Variants in C2orf92 observed in about 807,000 individuals in gnomAD.
C2orf92 encodes the protein chromosome 2 open reading frame 92.
intron 2 of C2orf92, among the ~76,000 whole-genome samples, chr2:97,675,254 T>C (rs989454426): frequency 6.6e-6 from 1 of 152,252 alleles, no homozygotes; most frequent in Non-Finnish European, 1.5e-5. Flanking sequence ...CCAGGAATTA[T>C]AAGACTCTCA....
chr2:97,683,338 G>A (rs1223929533), intron 3 of C2orf92, among the ~76,000 whole-genome samples: 1 of 151,908 alleles, frequency 6.6e-6, no homozygotes, highest in African/African-American at 2.4e-5. Flanking sequence ...AAACTACAAA[G>A]CACTGATAAA....
chr2:97,700,977 C>T (rs796181488), intron 6 of C2orf92, among the ~76,000 whole-genome samples, 177 bp from the exon 7 acceptor site: 48 of 152,094 alleles, frequency 3.2e-4, no homozygotes, highest in African/African-American at 8.0e-4. Context: ...GTGATCCGCC[C>T]GCCTCAGCCT....
chr2:97,669,545 A>T (rs542054942), upstream of C2orf92: 7 of 366,254 alleles, frequency 1.9e-5, no homozygotes, highest in South Asian at 1.0e-3. Context: ...GGATGGAGGA[A>T]GGCACCAGGG....
chr2:97,690,177 A>G, intron 4 of C2orf92, 79 bp from the exon 5 acceptor site: 1 of 387,506 alleles, frequency 2.6e-6, no homozygotes, highest in Non-Finnish European at 4.6e-6. Context: ...AATACAAAAT[A>G]TGGGCCCAAG....
chr2:97,700,896 A>T (rs1676472647), intron 6 of C2orf92, among the ~76,000 whole-genome samples: 1 of 151,506 alleles, frequency 6.6e-6, no homozygotes, highest in Admixed American at 6.6e-5. Flanking sequence ...CGCCCGGCTA[A>T]TTTTTTTTGT....
chr2:97,693,583 A>G (rs950171249), intron 5 of C2orf92, among the ~76,000 whole-genome samples: 38 of 152,262 alleles, frequency 2.5e-4, no homozygotes, highest in Non-Finnish European at 2.6e-4. Flanking sequence ...TATATATGAT[A>G]ATAATGAATT....
chr2:97,700,512 G>A (rs1385850090), intron 6 of C2orf92, among the ~76,000 whole-genome samples: 1 of 152,104 alleles, frequency 6.6e-6, no homozygotes, highest in African/African-American at 2.4e-5. Flanking sequence ...GCTCTCCTCT[G>A]TTCTTCTCTT....
At chr2:97,678,981 A>G (rs1037369977) in intron 3 of C2orf92, among the ~76,000 whole-genome samples, 15 of 140,068 alleles carry the variant, frequency 1.1e-4, no homozygotes, top group South Asian at 4.6e-4. Flanking sequence ...CCTTTCTTGG[A>G]AAAAAAAAAA....
At chr2:97,693,975 C>G (rs1676222148) in intron 5 of C2orf92, among the ~76,000 whole-genome samples, 1 of 152,142 alleles carries the variant, frequency 6.6e-6, no homozygotes, top group African/African-American at 2.4e-5. Flanking sequence ...TAAATACATT[C>G]ATAATGTTGT....
At chr2:97,675,609 T>TA (rs1197218791) in intron 2 of C2orf92, 4 of 379,150 alleles carry the variant, frequency 1.1e-5, no homozygotes, top group African/African-American at 8.3e-5. Flanking sequence ...TCTCAATGCT[T>TA]ATGCATATTG....
Position 97,699,154 on chromosome 2 carries a change from C to T in C2orf92, c.514+18C>T, listed in dbSNP as rs1163397735. 7.5e-6 allele frequency: 3 copies of T among 398,386 alleles called. No individual in the cohort carries two copies. Among genetic ancestry groups the T allele is most frequent in the Non-Finnish European group, 1.3e-5 (3 of 226,034 alleles). The allele number at this position is 398,386 out of a possible 1,614,324, so 24.7% of individuals were successfully genotyped here. ...TAAACCAGGTGGGAATCTATATGGC[C>T]TATAAACTAAGTATGATGCTTAAAT... is the stretch of plus-strand genomic sequence containing the variant. On this transcript the variant is annotated intron_variant, in intron 6 of 7. Coordinates refer to ENST00000627399, the MANE Select transcript of C2orf92 (RefSeq NM_001351368.2).
chr2:97,691,302 C>G (rs560836993), intron 5 of C2orf92, among the ~76,000 whole-genome samples: 1 of 152,210 alleles, frequency 6.6e-6, no homozygotes, highest in Non-Finnish European at 1.5e-5. Flanking sequence ...GCCGCAGACA[C>G]CTGGTGCCTC....
intron 3 of C2orf92, 45 bp from the exon 4 acceptor site, chr2:97,688,850 A>G: frequency 2.5e-6 from 1 of 398,560 alleles, no homozygotes; most frequent in Admixed American, 4.4e-5. Context: ...AAATATATCA[A>G]TCCTGCGTTG....
At chr2:97,665,438 AAGGCAAGTTGC>A (rs1675173587), upstream of C2orf92, among the ~76,000 whole-genome samples, 2 of 152,162 alleles carry the variant, frequency 1.3e-5, no homozygotes, top group African/African-American at 4.8e-5. Flanking sequence ...GAAGAAATTC[AAGGCAAGTTGC>A]AGAGTGCAGT....
rs764670580 is a variant in C2orf92 at position 97,689,348 on chromosome 2, A to G, written c.331+355A>G. 4.2e-4 allele frequency among the ~76,000 whole-genome samples: 64 copies of G among 152,170 alleles called. 3 individuals are homozygous for G. The highest frequency in any genetic ancestry group is 1.8e-4 in the Non-Finnish European group (12 of 68,034). ...GCAGCATCCTAACTTTCAACCCAACACACGAATCCTTCTAAGTGCACAACG... is the reference window on the plus strand; with the variant it reads ...GCAGCATCCTAACTTTCAACCCAACGCACGAATCCTTCTAAGTGCACAACG... On this transcript the variant is annotated intron_variant, in intron 4 of 7. Coordinates refer to ENST00000627399, the MANE Select transcript of C2orf92 (RefSeq NM_001351368.2).
intron 3 of C2orf92, chr2:97,677,576 A>G (rs1363286099): frequency 6.6e-6 from 1 of 152,188 alleles, no homozygotes; most frequent in East Asian, 1.9e-4. Context: ...AAAATCAACA[A>G]TCACTGAAAG....
upstream of C2orf92, chr2:97,664,808 T>G (rs1675152725): frequency 6.6e-6 from 1 of 150,752 alleles, no homozygotes; most frequent in African/African-American, 2.4e-5. Context: ...CTCCTGAGCT[T>G]AAGCGATCCT....
chr2:97,670,081 T>C lies in C2orf92; in HGVS notation c.46+247T>C, dbSNP rs1675362586. 8.3e-6 allele frequency: 3 copies of C among 363,122 alleles called. No homozygotes were observed. The Admixed American group carries it at 1.4e-4, about 17-fold the overall frequency. The allele number at this position is 363,122 out of a possible 1,614,324, so 22.5% of individuals were successfully genotyped here. A position where few individuals can be genotyped will look rare whatever the true frequency, so the allele number is the denominator to read the frequency against. ...AGGAGGGTGGCATACATGCGTATTT[T>C]AACTTTTCACTGTAAGCATTTCCAA... On this transcript the variant is annotated intron_variant, in intron 1 of 7. Transcript: ENST00000627399.
intron 6 of C2orf92, among the ~76,000 whole-genome samples, chr2:97,700,251 G>C (rs1019365547): frequency 6.6e-6 from 1 of 152,188 alleles, no homozygotes; most frequent in Non-Finnish European, 1.5e-5. Context: ...CAGGAGCTCA[G>C]GATCATCTGT....
Sources: allele counts gnomAD v4.1 joint callset (sites outside exome capture counted in the v4.1 genomes callset), GRCh38; gene constraint gnomAD v4.1.1; transcripts MANE v1.5; gene names NCBI Gene and HGNC (gene_info 2026-07-23, HGNC 2026-07-21).